IGF2BP2: variants seen among roughly 807,000 people sequenced by gnomAD.
The protein encoded by IGF2BP2 is insulin like growth factor 2 mRNA binding protein 2, also known as insulin-like growth factor 2 mRNA-binding protein 2.
In IGF2BP2, 17 loss-of-function variants were observed where a neutral mutation model predicts 75.8. The observed-to-expected ratio is 0.22, with a 90% CI of 0.15 to 0.34. IGF2BP2 has a LOEUF of 0.34. Among genes scored for constraint, IGF2BP2 ranks in the 10% least tolerant of loss-of-function variants. IGF2BP2 has a pLI of 1.00. For synonymous variants in IGF2BP2, 288 were observed against 295.6 expected, an observed-to-expected ratio of 0.97 and a Z score of 0.26; for missense variants, 516 against 772.4, an observed-to-expected ratio of 0.67 and a Z score of 3.93.
At chr3:185,652,002 G>T in intron 13 of IGF2BP2, 92 bp downstream of exon 13, 1 of 951,318 alleles carries the variant, frequency 1.1e-6, no homozygotes, top group Non-Finnish European at 1.5e-6. Flanking sequence ...GGAAATGGAG[G>T]CTGGGCCTCC....
chr3:185,815,589 C>G (rs1403633553), intron 2 of IGF2BP2, among the ~76,000 whole-genome samples: 4 of 152,152 alleles, frequency 2.6e-5, no homozygotes, highest in African/African-American at 9.7e-5. Context: ...GTGCCTAGCA[C>G]GTAGCAGCCA....
chr3:185,691,159 C>T (rs60908883), intron 5 of IGF2BP2, among the ~76,000 whole-genome samples: 20,772 of 152,092 alleles, frequency 0.14, 1,757 homozygotes, highest in African/African-American at 0.24. Flanking sequence ...AGTGCAATGG[C>T]GCGATCTCAG....
At chr3:185,735,517 T>C (rs1329151590) in intron 2 of IGF2BP2, among the ~76,000 whole-genome samples, 3 of 152,224 alleles carry the variant, frequency 2.0e-5, no homozygotes, top group Non-Finnish European at 4.4e-5. Context: ...TATAAATAGC[T>C]AAGAACAAAG....
intron 2 of IGF2BP2, among the ~76,000 whole-genome samples, chr3:185,710,647 C>T (rs949488933): frequency 3.3e-5 from 5 of 152,026 alleles, no homozygotes; most frequent in African/African-American, 1.2e-4. Flanking sequence ...GCACAAGAAT[C>T]CCTTGAACCC....
chr3:185,791,023 T>A (rs1363875709), intron 2 of IGF2BP2, among the ~76,000 whole-genome samples: 2 of 152,238 alleles, frequency 1.3e-5, no homozygotes, highest in Non-Finnish European at 2.9e-5. Flanking sequence ...AATGGCTTAT[T>A]CAAGGTCAGC....
intron 2 of IGF2BP2, among the ~76,000 whole-genome samples, chr3:185,805,771 T>TC (rs1355951727): frequency 7.3e-6 from 1 of 136,156 alleles, no homozygotes; most frequent in African/African-American, 2.7e-5. Flanking sequence ...GAAGTAAATC[T>TC]TTTTTTTTTT....
rs187765611 is a variant in IGF2BP2, at chr3:185,692,164, T to C, written c.404+535A>G. ...AGAAAAGAACCCAAACCAGGTGCTA[T>C]TGAGTAACCACTCTCAGACAATTCT... On this transcript the variant is annotated intron_variant, in intron 5 of 15. Transcript: ENST00000382199. 1.1e-3 allele frequency among the ~76,000 whole-genome samples: 170 copies of C among 152,314 alleles called. 1 individual carries two copies. The highest frequency in any genetic ancestry group is 3.8e-3 in the African/African-American group (160 of 41,560).
chr3:185,725,369 G>T (rs1204799249), intron 2 of IGF2BP2, among the ~76,000 whole-genome samples: 2 of 152,204 alleles, frequency 1.3e-5, no homozygotes, highest in Admixed American at 1.3e-4. Context: ...AGTGGGCTGA[G>T]GTTGTCGGCA....
At chr3:185,718,788 A>C (rs1241170488) in intron 2 of IGF2BP2, among the ~76,000 whole-genome samples, 1 of 152,148 alleles carries the variant, frequency 6.6e-6, no homozygotes, top group African/African-American at 2.4e-5. Flanking sequence ...GGAAGAGCAA[A>C]GCCACGATCA....
At chr3:185,732,125 T>C (rs545799254) in intron 2 of IGF2BP2, among the ~76,000 whole-genome samples, 1 of 152,280 alleles carries the variant, frequency 6.6e-6, no homozygotes, top group East Asian at 1.9e-4. Context: ...CAGCCTCTCC[T>C]CTCTGCCCCC....
intron 2 of IGF2BP2, among the ~76,000 whole-genome samples, chr3:185,757,552 C>T (rs927905471): frequency 1.5e-4 from 22 of 148,686 alleles, no homozygotes; most frequent in African/African-American, 2.2e-4. Context: ...GCAGCCCTGA[C>T]TTCCCGGGTT....
At chr3:185,728,896 C>T (rs904616587) in intron 2 of IGF2BP2, 6 of 152,110 alleles carry the variant, frequency 3.9e-5, no homozygotes, top group African/African-American at 1.2e-4. Context: ...CTAATCATAC[C>T]AAGATGTTAT....
chr3:185,643,995 A>T lies in IGF2BP2; in HGVS notation c.*1536T>A. The T allele has an allele frequency of 6.7e-6, 1 of 150,370 alleles. No individual in the cohort carries two copies. The allele number at this position is 150,370 out of a possible 1,614,324, so 9.3% of individuals were successfully genotyped here. On this transcript the variant is annotated 3_prime_UTR_variant, in exon 16 of 16. Coordinates refer to ENST00000382199, the MANE Select transcript of IGF2BP2 (RefSeq NM_006548.6). ...TCATCTTTTTTTTTTTTAAATAAAC[A>T]TTTTCAAGGTTTGTCCAAAAGAAGG...
chr3:185,782,731 C>T (rs1454008069), intron 2 of IGF2BP2, among the ~76,000 whole-genome samples: 3 of 152,130 alleles, frequency 2.0e-5, no homozygotes. Context: ...CACACAGTGA[C>T]TAGAATAAGT....
intron 2 of IGF2BP2, among the ~76,000 whole-genome samples, chr3:185,820,219 T>C (rs940914277): frequency 1.6e-5 from 2 of 128,992 alleles, no homozygotes; most frequent in Admixed American, 7.6e-5. Context: ...TGTGTGTGTA[T>C]GTGTATATAT....
intron 2 of IGF2BP2, among the ~76,000 whole-genome samples, chr3:185,719,724 C>G (rs1726210398): frequency 6.6e-6 from 1 of 152,122 alleles, no homozygotes. Flanking sequence ...ATCTCAGCTT[C>G]TTGGAAGGCT....
intron 3 of IGF2BP2, among the ~76,000 whole-genome samples, chr3:185,696,908 T>C (rs1349450444): frequency 6.6e-6 from 1 of 152,206 alleles, no homozygotes; most frequent in Non-Finnish European, 1.5e-5. Context: ...AATTTCAGAC[T>C]CTTAGTAACT....
At chr3:185,696,684 G>A in intron 3 of IGF2BP2, 21 bp from the exon 4 acceptor site, 1 of 1,608,622 alleles carries the variant, frequency 6.2e-7, no homozygotes, top group Non-Finnish European at 8.5e-7. Context: ...AAGCTTCCAT[G>A]TCAGAATGGG....
At chr3:185,751,578 G>A (rs1417520839) in intron 2 of IGF2BP2, among the ~76,000 whole-genome samples, 1 of 151,870 alleles carries the variant, frequency 6.6e-6, no homozygotes, top group African/African-American at 2.4e-5. Flanking sequence ...GCAGGAGACG[G>A]AGGTTGTGGT....
Sources: allele counts gnomAD v4.1 joint callset (sites outside exome capture counted in the v4.1 genomes callset), GRCh38; gene constraint gnomAD v4.1.1; transcripts MANE v1.5; gene names NCBI Gene and HGNC (gene_info 2026-07-23, HGNC 2026-07-21).